MCHR2: variants seen among roughly 807,000 people sequenced by gnomAD.
The protein encoded by MCHR2 is melanin concentrating hormone receptor 2.
In MCHR2, 15 loss-of-function variants were observed where a neutral mutation model predicts 24.8. The ratio of observed to expected loss-of-function variants is 0.60; its 90% CI spans 0.40 to 0.93. MCHR2 has a LOEUF of 0.93. Among genes scored for constraint, MCHR2 ranks in the 40% least tolerant of loss-of-function variants. The probability of loss-of-function intolerance (pLI) is 0.00; values close to 1 mark genes in which losing one functional copy is unlikely to be tolerated. For synonymous variants in MCHR2, 151 were observed against 147.6 expected (o/e 1.02, Z -0.17); for missense variants, 386 against 408.7 (o/e 0.94, Z 0.48).
chr6:99,973,527 T>A (rs1036970043), intron 1 of MCHR2, among the ~76,000 whole-genome samples: 17 of 152,220 alleles, frequency 1.1e-4, no homozygotes, highest in African/African-American at 3.9e-4. Flanking sequence ...AATTTGCCAG[T>A]CTGTGTCTTT....
chr6:99,932,447 A>C lies in MCHR2; in HGVS notation c.707+1951T>G, dbSNP rs551948300. 7.3e-4 allele frequency among the ~76,000 whole-genome samples: 111 copies of C among 152,282 alleles called. 1 individual carries two copies. The highest frequency in any genetic ancestry group is 2.6e-3 in the African/African-American group (107 of 41,566). On this transcript the variant is annotated intron_variant, in intron 5 of 5. Coordinates refer to ENST00000281806, the MANE Select transcript of MCHR2 (RefSeq NM_001040179.2). ...CCTGCTTCCCCTTTGAAGGTAGGCT[A>C]TGTTAGTGACTCATTTCCAAAGAAC...
Position 99,955,955 on chromosome 6 carries a change from C to A in MCHR2, c.182+11G>T, listed in dbSNP as rs201055062. 1.3e-6 allele frequency: 2 copies of A among 1,494,546 alleles called. No individual in the cohort carries two copies. The highest frequency in any genetic ancestry group is 8.9e-7 in the Non-Finnish European group (1 of 1,122,772). 92.6% of individuals were successfully genotyped at this position (1,494,546 alleles called of 1,614,324 possible). On this transcript the variant is annotated intron_variant, in intron 2 of 5. Transcript: ENST00000281806. ...TGGAAGGAAAAAAAAAAAAAAGGAG[C>A]CATTCCTTACCTTATTATAGTGAAT...
rs533257425 is a variant in MCHR2, at chr6:99,941,464, G to T, written c.587+1485C>A. Reference sequence around the variant, plus strand: ...AGTCCTATCTATGTTGCACTGTTATGTCCCAAATGTTTGTGTTCCCTCAAA... The same window carrying T: ...AGTCCTATCTATGTTGCACTGTTATTTCCCAAATGTTTGTGTTCCCTCAAA... On this transcript the variant is annotated intron_variant, in intron 4 of 5. Coordinates refer to ENST00000281806, the MANE Select transcript of MCHR2 (RefSeq NM_001040179.2). Among the ~76,000 whole-genome samples the T allele has an allele frequency of 3.9e-5, 6 of 152,176 alleles. No homozygotes were observed. The East Asian group carries it at 1.2e-3, about 29-fold the overall frequency.
intron 4 of MCHR2, among the ~76,000 whole-genome samples, chr6:99,935,744 C>T (rs1226809693): frequency 6.6e-6 from 1 of 151,854 alleles, no homozygotes; most frequent in Non-Finnish European, 1.5e-5. Context: ...ACTGTCGGAT[C>T]ATATGGTAGT....
chr6:99,953,420 G>C (rs1489029711), intron 2 of MCHR2, among the ~76,000 whole-genome samples: 3 of 152,078 alleles, frequency 2.0e-5, no homozygotes, highest in African/African-American at 7.2e-5. Flanking sequence ...GATGGAAGGA[G>C]AACTGGGCAG....
intron 1 of MCHR2, among the ~76,000 whole-genome samples, chr6:99,973,126 T>C (rs1775467233): frequency 6.6e-6 from 1 of 151,864 alleles, no homozygotes; most frequent in South Asian, 2.1e-4. Flanking sequence ...CTTGTTGACT[T>C]TCTGTCTCGT....
chr6:99,934,041 G>A (rs534706413), intron 5 of MCHR2, among the ~76,000 whole-genome samples: 2 of 152,022 alleles, frequency 1.3e-5, no homozygotes, highest in African/African-American at 2.4e-5. Flanking sequence ...AAAATTAAAA[G>A]GTTGCACATA....
Position 99,973,239 on chromosome 6 carries a change from G to A in MCHR2, c.-27-17065C>T, listed in dbSNP as rs574978480. Among the ~76,000 whole-genome samples the A allele has an allele frequency of 2.0e-5, 3 of 151,802 alleles. No homozygotes were observed. The South Asian group carries it at 6.3e-4, about 32-fold the overall frequency. On this transcript the variant is annotated intron_variant, in intron 1 of 5. Coordinates refer to ENST00000281806, the MANE Select transcript of MCHR2 (RefSeq NM_001040179.2). Reference sequence around the variant, plus strand: ...CACTCAGGACTTGCTTTATGAATCTGGGTGCTCCTGTATTGGGTGCATATT... The same window carrying A: ...CACTCAGGACTTGCTTTATGAATCTAGGTGCTCCTGTATTGGGTGCATATT...
intron 1 of MCHR2, among the ~76,000 whole-genome samples, chr6:99,989,195 T>C (rs1194784760): frequency 6.6e-6 from 1 of 152,148 alleles, no homozygotes; most frequent in Non-Finnish European, 1.5e-5. Context: ...GAGGTTACAA[T>C]GTGCTAAGAC....
chr6:99,984,530 T>C (rs1358193007), intron 1 of MCHR2, among the ~76,000 whole-genome samples: 2 of 152,090 alleles, frequency 1.3e-5, no homozygotes, highest in African/African-American at 4.8e-5. Flanking sequence ...TAACATCTTT[T>C]AGTTCTTTCA....
chr6:99,957,527 C>G (rs1013129657), intron 1 of MCHR2, among the ~76,000 whole-genome samples: 3 of 151,982 alleles, frequency 2.0e-5, no homozygotes, highest in Admixed American at 2.0e-4. Context: ...GAAAGAATGT[C>G]CACTATCACC....
chr6:99,936,481 T>G (rs1009951874), intron 4 of MCHR2, among the ~76,000 whole-genome samples: 27 of 151,766 alleles, frequency 1.8e-4, no homozygotes, highest in African/African-American at 6.3e-4. Flanking sequence ...CTTGGCTCCT[T>G]TGATGAAGAT....
In MCHR2 at chr6:99,919,331, G is replaced by T. The variant is rs895587843; in HGVS notation, c.*1609C>A. Among the ~76,000 whole-genome samples the T allele has an allele frequency of 1.3e-5, 2 of 152,126 alleles. No homozygotes were observed. Among genetic ancestry groups the T allele is most frequent in the East Asian group, 3.8e-4 (2 of 5,200 alleles). On this transcript the variant is annotated 3_prime_UTR_variant, in exon 6 of 6. Coordinates refer to ENST00000281806, the MANE Select transcript of MCHR2 (RefSeq NM_001040179.2). ...AAAATTCTAGAGTAAAATAAATAGG[G>T]TTAAAAATCACGTCTGGGTTGATTC...
At chr6:99,959,471 A>G (rs1284509437) in intron 1 of MCHR2, among the ~76,000 whole-genome samples, 1 of 151,754 alleles carries the variant, frequency 6.6e-6, no homozygotes, top group Admixed American at 6.6e-5. Flanking sequence ...TTACAAGGAA[A>G]ACAAAGAAGC....
chr6:99,971,567 C>A (rs967032682), intron 1 of MCHR2, among the ~76,000 whole-genome samples: 28 of 152,038 alleles, frequency 1.8e-4, no homozygotes, highest in Admixed American at 2.0e-4. Context: ...TCTCCTGCCT[C>A]ATTGCCCTGG....
intron 2 of MCHR2, among the ~76,000 whole-genome samples, chr6:99,950,576 G>A (rs1286209476): frequency 6.6e-6 from 1 of 151,998 alleles, no homozygotes; most frequent in Admixed American, 6.6e-5. Context: ...GTCATAGTTT[G>A]AAAGAATATT....
chr6:99,928,458 A>G (rs564036761), intron 5 of MCHR2, among the ~76,000 whole-genome samples: 257 of 152,176 alleles, frequency 1.7e-3, no homozygotes, highest in African/African-American at 6.0e-3. Context: ...CTGTGAATCC[A>G]TCTGGTCCTG....
intron 5 of MCHR2, among the ~76,000 whole-genome samples, chr6:99,929,573 A>T (rs1774460739): frequency 6.6e-6 from 1 of 151,652 alleles, no homozygotes; most frequent in Non-Finnish European, 1.5e-5. Flanking sequence ...TGTTGAATTG[A>T]TCCCTTTACC....
chr6:99,939,334 T>G (rs1235313337), intron 4 of MCHR2, among the ~76,000 whole-genome samples: 1 of 152,156 alleles, frequency 6.6e-6, no homozygotes, highest in Non-Finnish European at 1.5e-5. Flanking sequence ...CCTTTTTATT[T>G]TTAAAATCTA....
Sources: allele counts gnomAD v4.1 joint callset (sites outside exome capture counted in the v4.1 genomes callset), GRCh38; gene constraint gnomAD v4.1.1; transcripts MANE v1.5; gene names NCBI Gene and HGNC (gene_info 2026-07-23, HGNC 2026-07-21).